Variants in NCBP1 observed in about 807,000 individuals in gnomAD.
NCBP1 encodes the protein nuclear cap-binding protein subunit 1.
A neutral mutation model predicts 111.7 loss-of-function variants in NCBP1; 16 were observed. The observed-to-expected ratio is 0.14, with a 90% confidence interval of 0.10 to 0.22. NCBP1 has a LOEUF of 0.22. Ranked by LOEUF, NCBP1 falls within the 10% of genes least tolerant of loss-of-function variation. The pLI is 1.00. For missense variants in NCBP1, 607 were observed against 957.5 expected (o/e 0.63, Z 4.83); for synonymous variants, 304 against 314.3 (o/e 0.97, Z 0.35).
chr9:97,662,155 G>A lies in NCBP1; in HGVS notation c.1703+11G>A. 1 of 1,595,444 alleles carries A rather than the reference G, an allele frequency of 6.3e-7. No individual in the cohort carries two copies. On this transcript the variant is annotated intron_variant, in intron 17 of 22. Transcript: ENST00000375147. Reference sequence around the variant, plus strand: ...CAGTGCTCTTGCAAAGTATGTATGAGTACAGAGCCTTGCTTGAGAGTTTGG... The same window carrying A: ...CAGTGCTCTTGCAAAGTATGTATGAATACAGAGCCTTGCTTGAGAGTTTGG...
At chr9:97,656,624 A>C (rs1049614774) in intron 14 of NCBP1, among the ~76,000 whole-genome samples, 4 of 152,214 alleles carry the variant, frequency 2.6e-5, no homozygotes, top group Non-Finnish European at 4.4e-5. Flanking sequence ...ACAACATTAC[A>C]AAGAATTCTG....
In NCBP1 at chr9:97,671,545, G is replaced by C; in HGVS notation, c.*346G>C. 5.9e-6 allele frequency: 1 copy of C among 168,538 alleles called. No homozygotes were observed. Among genetic ancestry groups the C allele is most frequent in the Non-Finnish European group, 1.3e-5 (1 of 79,194 alleles). 10.4% of individuals were successfully genotyped at this position (168,538 alleles called of 1,614,324 possible). ...CTTACATAGTATATAGAACTGATGG[G>C]TTTACCCAGCTACCCAGTAGCATAA... is the stretch of plus-strand genomic sequence containing the variant. On this transcript the variant is annotated 3_prime_UTR_variant, in exon 23 of 23. Coordinates refer to ENST00000375147, the MANE Select transcript of NCBP1 (RefSeq NM_002486.5).
chr9:97,669,184 G>T (rs550489318), intron 21 of NCBP1, among the ~76,000 whole-genome samples: 18 of 149,426 alleles, frequency 1.2e-4, no homozygotes, highest in Admixed American at 9.3e-4. Flanking sequence ...TAGTATTCTC[G>T]CATGAGCATT....
At chr9:97,646,168 T>G (rs1564020015) in intron 6 of NCBP1, among the ~76,000 whole-genome samples, 1 of 152,190 alleles carries the variant, frequency 6.6e-6, no homozygotes, top group Non-Finnish European at 1.5e-5. Flanking sequence ...GCACATACAG[T>G]ATATTTAGTT....
chr9:97,653,887 A>C lies in NCBP1; in HGVS notation c.1149A>C (p.Gln383His). The change falls in exon 11 of 23, where the codon CAA becomes CAC. Residue 383 changes from glutamine (Q) to histidine (H), a missense_variant. This residue lies in a region of NCBP1 where 33 missense variants were observed against 46.5 expected (regional missense o/e 0.71). Transcript: ENST00000375147. Reference sequence around the variant, plus strand: ...TCCTCATTGAACTGTGCAAACTTCAACCTGGCTCTCTACCCCAAGTTGTAT... The same window carrying C: ...TCCTCATTGAACTGTGCAAACTTCACCCTGGCTCTCTACCCCAAGTTGTAT... Reference protein sequence around the residue: ...TTLLIELCKLQPGSLPQVLAQ... With the variant: ...TTLLIELCKLHPGSLPQVLAQ... 6.2e-7 allele frequency: 1 copy of C among 1,613,182 alleles called. No homozygotes were observed. The highest frequency in any genetic ancestry group is 8.5e-7 in the Non-Finnish European group (1 of 1,179,408).
At chr9:97,640,729 G>A (rs534019127) in intron 1 of NCBP1, 65 bp from the exon 2 acceptor site, 1 of 1,278,336 alleles carries the variant, frequency 7.8e-7, no homozygotes, top group Non-Finnish European at 1.1e-6. Flanking sequence ...AACCTAAAAA[G>A]GTTAAATAAA....
intron 1 of NCBP1, among the ~76,000 whole-genome samples, chr9:97,635,427 T>C (rs79848414): frequency 1.3e-5 from 2 of 151,864 alleles, no homozygotes; most frequent in Non-Finnish European, 2.9e-5. Flanking sequence ...TTTTTTTTTT[T>C]TCTGAGACGG....
chr9:97,671,074 G>T lies in NCBP1; in HGVS notation c.2260-12G>T. 6.4e-7 allele frequency: 1 copy of T among 1,566,944 alleles called. No homozygotes were observed. The highest frequency in any genetic ancestry group is 1.4e-5 in the African/African-American group (1 of 73,646). On this transcript the variant is annotated splice_polypyrimidine_tract_variant and intron_variant, in intron 22 of 22. Coordinates refer to ENST00000375147, the MANE Select transcript of NCBP1 (RefSeq NM_002486.5). ...TTTCCTGACCTAACTACCCCCTTTT[G>T]TGTGTCCACAGCATCACCAAATAAT...
intron 1 of NCBP1, among the ~76,000 whole-genome samples, chr9:97,637,074 A>G (rs999978477): frequency 5.3e-5 from 8 of 152,178 alleles, no homozygotes; most frequent in African/African-American, 1.9e-4. Flanking sequence ...GTGCTGGAGC[A>G]GAGTGAGTGA....
intron 1 of NCBP1, among the ~76,000 whole-genome samples, chr9:97,636,520 T>C (rs1411608230): frequency 6.9e-6 from 1 of 144,768 alleles, no homozygotes; most frequent in African/African-American, 2.5e-5. Context: ...TATAAATTTA[T>C]ATTTATATAT....
At chr9:97,659,604 G>A (rs1226411398) in intron 15 of NCBP1, among the ~76,000 whole-genome samples, 1 of 152,190 alleles carries the variant, frequency 6.6e-6, no homozygotes, top group Non-Finnish European at 1.5e-5. Flanking sequence ...GAGTGGTGGA[G>A]CCCAAATTCA....
chr9:97,634,911 A>G (rs1044833329), intron 1 of NCBP1, among the ~76,000 whole-genome samples: 2 of 152,214 alleles, frequency 1.3e-5, no homozygotes, highest in Non-Finnish European at 2.9e-5. Flanking sequence ...AGAAGTAATG[A>G]TATTTATATC....
At chr9:97,671,064 A>G in intron 22 of NCBP1, 22 bp from the exon 23 acceptor site, 1 of 1,503,100 alleles carries the variant, frequency 6.7e-7, no homozygotes, top group African/African-American at 1.4e-5. Flanking sequence ...TGACCTAACT[A>G]CCCCCTTTTG....
intron 20 of NCBP1, 25 bp from the exon 21 acceptor site, chr9:97,668,821 C>G: frequency 6.2e-7 from 1 of 1,605,074 alleles, no homozygotes; most frequent in Non-Finnish European, 8.5e-7. Context: ...ATGGTATTTT[C>G]CTTTTGTTCA....
intron 17 of NCBP1, among the ~76,000 whole-genome samples, chr9:97,662,531 A>T (rs889022915): frequency 6.6e-6 from 1 of 152,204 alleles, no homozygotes; most frequent in African/African-American, 2.4e-5. Context: ...AGGTATTTTT[A>T]ACTTGTCAGA....
intron 15 of NCBP1, among the ~76,000 whole-genome samples, 176 bp from the exon 16 acceptor site, chr9:97,660,770 T>A (rs560948967): frequency 6.6e-6 from 1 of 152,252 alleles, no homozygotes; most frequent in Non-Finnish European, 1.5e-5. Context: ...ATTAACCTAT[T>A]AGAAAAAGCT....
intron 18 of NCBP1, among the ~76,000 whole-genome samples, chr9:97,663,696 G>A (rs533907880): frequency 6.6e-6 from 1 of 151,730 alleles, no homozygotes; most frequent in Non-Finnish European, 1.5e-5. Context: ...TGTTGGCCAG[G>A]CTGGTCTGGA....
At chr9:97,654,838 G>A (rs1359690835) in intron 11 of NCBP1, 42 bp from the exon 12 acceptor site, 1 of 1,542,320 alleles carries the variant, frequency 6.5e-7, no homozygotes, top group Non-Finnish European at 9.0e-7. Flanking sequence ...AACTTATTTG[G>A]GATAAAAGTG....
chr9:97,641,015 T>C (rs1827191328), intron 2 of NCBP1, 133 bp downstream of exon 2: 1 of 608,310 alleles, frequency 1.6e-6, no homozygotes, highest in Admixed American at 3.5e-5. Context: ...GTATCCCAAA[T>C]TGAATCCATG....
Sources: allele counts gnomAD v4.1 joint callset (sites outside exome capture counted in the v4.1 genomes callset), GRCh38; gene constraint gnomAD v4.1.1; regional missense constraint gnomAD v4.1.1; transcripts MANE v1.5; gene names NCBI Gene and HGNC (gene_info 2026-07-23, HGNC 2026-07-21).